PCDHGA5: variants seen among roughly 807,000 people sequenced by gnomAD.
PCDHGA5 encodes protocadherin gamma subfamily A, 5.
In PCDHGA5, 36 loss-of-function variants were observed where a neutral mutation model predicts 56.7. The observed-to-expected ratio is 0.64, with a 90% CI of 0.49 to 0.84. The LOEUF is 0.84. Ranked by LOEUF, PCDHGA5 falls within the 40% of genes least tolerant of loss-of-function variation. PCDHGA5 has a pLI of 0.00. For missense variants in PCDHGA5, 1,305 were observed against 1,201.5 expected (o/e 1.09, Z -1.27); for synonymous variants, 563 against 520.2 (o/e 1.08, Z -1.12).
chr5:141,470,708 A>T (rs1293545270), intron 1 of PCDHGA5, among the ~76,000 whole-genome samples: 1 of 151,804 alleles, frequency 6.6e-6, no homozygotes. Flanking sequence ...TTTTTATTTT[A>T]TTTTTTTGAG....
At chr5:141,473,735 A>G (rs529416084) in intron 1 of PCDHGA5, among the ~76,000 whole-genome samples, 75 of 152,352 alleles carry the variant, frequency 4.9e-4, no homozygotes, top group African/African-American at 1.6e-3. Context: ...GAGAGGGAGA[A>G]GACATGAGAA....
Position 141,485,117 on chromosome 5 carries a change from G to A in PCDHGA5, c.2422-9690G>A. The A allele has an allele frequency of 3.0e-6, 4 of 1,326,200 alleles. No homozygotes were observed. The highest frequency in any genetic ancestry group is 4.3e-6 in the Non-Finnish European group (4 of 933,470). 82.2% of individuals were successfully genotyped at this position (1,326,200 alleles called of 1,614,324 possible). On this transcript the variant is annotated intron_variant, in intron 1 of 3. Transcript: ENST00000518069. The surrounding 1 kb of genome is among the most constrained non-coding windows in gnomAD (Gnocchi z 5.7). ...GTCTCCAGCTGCTGTGGCTGTTTGG[G>A]GCGGGTCGGCTTCATCCGCGTCTCA...
intron 1 of PCDHGA5, among the ~76,000 whole-genome samples, chr5:141,470,290 C>T (rs1226383020): frequency 1.3e-5 from 2 of 152,148 alleles, no homozygotes; most frequent in Non-Finnish European, 2.9e-5. Context: ...TATTGGTTAA[C>T]TGTTTTTATT....
At chr5:141,461,422 C>A (rs2099015157) in intron 1 of PCDHGA5, among the ~76,000 whole-genome samples, 1 of 151,930 alleles carries the variant, frequency 6.6e-6, no homozygotes, top group African/African-American at 2.4e-5. Flanking sequence ...TGTTTGTGGG[C>A]CATTTGTATA....
chr5:141,400,798 A>G (rs2094077333), intron 1 of PCDHGA5: 2 of 559,100 alleles, frequency 3.6e-6, no homozygotes, highest in Non-Finnish European at 6.3e-6. Flanking sequence ...TCTTTCTCAA[A>G]GCTAATGAAT....
chr5:141,417,711 C>A, intron 1 of PCDHGA5: 1 of 1,261,876 alleles, frequency 7.9e-7, no homozygotes, highest in Non-Finnish European at 1.1e-6. Flanking sequence ...CACAGAGGCT[C>A]CCGGCTGCGC....
intron 1 of PCDHGA5, chr5:141,382,884 G>C: frequency 6.5e-7 from 1 of 1,529,218 alleles, no homozygotes; most frequent in South Asian, 1.3e-5. Flanking sequence ...GCCTAAGCAA[G>C]AGAAGCAGGA....
intron 1 of PCDHGA5, chr5:141,409,314 C>G: frequency 1.9e-6 from 3 of 1,613,878 alleles, no homozygotes; most frequent in Non-Finnish European, 2.5e-6. Flanking sequence ...CTCTTCAAAA[C>G]ACGGGATCTG....
intron 1 of PCDHGA5, chr5:141,427,017 TAC>T (rs764268354): frequency 2.2e-5 from 10 of 456,792 alleles, no homozygotes; most frequent in South Asian, 1.4e-4. Context: ...CCAGGATGTA[TAC>T]AAAGTCAGCC....
chr5:141,467,907 C>A (rs1166486426), intron 1 of PCDHGA5, among the ~76,000 whole-genome samples: 1 of 152,156 alleles, frequency 6.6e-6, no homozygotes, highest in Non-Finnish European at 1.5e-5. Flanking sequence ...AATCCGCCCA[C>A]CTCAGCCTCC....
chr5:141,408,933 G>C, intron 1 of PCDHGA5: 1 of 1,613,550 alleles, frequency 6.2e-7, no homozygotes, highest in South Asian at 1.1e-5. Context: ...GTTTTCAGCA[G>C]AGACGAATAT....
At chr5:141,446,295 G>A (rs146503397) in intron 1 of PCDHGA5, among the ~76,000 whole-genome samples, 1 of 152,196 alleles carries the variant, frequency 6.6e-6, no homozygotes, top group Non-Finnish European at 1.5e-5. Flanking sequence ...TGGGGAGCAG[G>A]GATTAAGAGT....
intron 1 of PCDHGA5, chr5:141,471,535 T>C (rs553186728): frequency 6.6e-6 from 1 of 152,368 alleles, no homozygotes; most frequent in African/African-American, 2.4e-5. Context: ...GAAGCTATGA[T>C]AGCATTTAAG....
chr5:141,384,792 C>T lies in PCDHGA5; in HGVS notation c.2421+18041C>T, dbSNP rs374905153. ...CGGGCGAGGTGCGCACGGCTCGGGC[C>T]CTGCTGGACAGAGATGCCCTCAAGC... On this transcript the variant is annotated intron_variant, in intron 1 of 3. Transcript: ENST00000518069. The T allele has an allele frequency of 5.0e-6, 8 of 1,613,404 alleles. No homozygotes were observed. The African/African-American group carries it at 6.7e-5, about 13-fold the overall frequency.
chr5:141,370,723 C>G, intron 1 of PCDHGA5: 1 of 1,613,808 alleles, frequency 6.2e-7, no homozygotes, highest in South Asian at 1.1e-5. Context: ...GAAATGGTTG[C>G]TGAAAAGCCT....
intron 1 of PCDHGA5, chr5:141,399,969 C>T (rs1371912218): frequency 1.2e-6 from 2 of 1,612,194 alleles, no homozygotes; most frequent in South Asian, 2.2e-5. Context: ...GGCTCTTCAG[C>T]CTGGGGCTGC....
rs572282329 is a variant in PCDHGA5 at position 141,388,648 on chromosome 5, T to A, written c.2421+21897T>A. On this transcript the variant is annotated intron_variant, in intron 1 of 3. Coordinates refer to ENST00000518069, the MANE Select transcript of PCDHGA5 (RefSeq NM_018918.3). ...TACAGGGTGAGCCTTTCAGAAAACG[T>A]GTACCCGGGGACCACGGTGCTACAG... is the stretch of plus-strand genomic sequence containing the variant. 5 of 1,613,938 alleles carry A rather than the reference T, an allele frequency of 3.1e-6. No homozygotes were observed. The East Asian group carries it at 8.9e-5, about 29-fold the overall frequency.
intron 1 of PCDHGA5, chr5:141,423,123 A>G: frequency 1.2e-6 from 2 of 1,613,766 alleles, no homozygotes; most frequent in Non-Finnish European, 1.7e-6. Flanking sequence ...CAGCGCGGGC[A>G]CTGCTGGACA....
chr5:141,415,301 T>C, intron 1 of PCDHGA5: 1 of 1,614,230 alleles, frequency 6.2e-7, no homozygotes, highest in South Asian at 1.1e-5. Context: ...TGCGTCTTCC[T>C]GGCCTTCGTC....
Sources: allele counts gnomAD v4.1 joint callset (sites outside exome capture counted in the v4.1 genomes callset), GRCh38; gene constraint gnomAD v4.1.1; non-coding constraint Gnocchi (gnomAD v3.1); transcripts MANE v1.5; gene names NCBI Gene and HGNC (gene_info 2026-07-23, HGNC 2026-07-21).